Variants in CPVL observed in about 807,000 individuals in gnomAD.
The protein encoded by CPVL is probable serine carboxypeptidase CPVL.
Under a neutral mutation model 63.7 loss-of-function variants are expected in CPVL, and 51 were observed. The ratio of observed to expected loss-of-function variants is 0.80; its 90% CI spans 0.64 to 1.01. The LOEUF (loss-of-function observed/expected upper bound fraction) is 1.01, where lower values mean the gene tolerates loss of function less well. Among genes scored for constraint, CPVL ranks in the 50% least tolerant of loss-of-function variants. The pLI, the probability that CPVL is intolerant of heterozygous loss-of-function variation, is 0.00. For missense variants in CPVL, 530 were observed against 573.1 expected, an observed-to-expected ratio of 0.92 and a Z score of 0.77; for synonymous variants, 195 against 206.0, an observed-to-expected ratio of 0.95 and a Z score of 0.46.
chr7:29,047,701 T>C (rs1159423157), intron 11 of CPVL, among the ~76,000 whole-genome samples: 2 of 152,098 alleles, frequency 1.3e-5, no homozygotes, highest in African/African-American at 4.8e-5. Flanking sequence ...ACCTGGGAAA[T>C]TTATCACAAA....
intron 12 of CPVL, among the ~76,000 whole-genome samples, chr7:29,017,847 A>C (rs1322380651): frequency 2.0e-5 from 3 of 152,238 alleles, no homozygotes; most frequent in Non-Finnish European, 4.4e-5. Flanking sequence ...ATGCTTGTGA[A>C]GTAGAGAATC....
intron 1 of CPVL, among the ~76,000 whole-genome samples, chr7:29,123,597 GAAAAAAAAAAAAAAAA>G (rs778757980): frequency 0.021 from 861 of 41,100 alleles, 4 homozygotes; most frequent in Middle Eastern, 0.05. Flanking sequence ...AACTGGTTCA[GAAAAAAAAAAAAAAAA>G]AAAAAAAAAA....
chr7:29,067,844 A>T (rs925535664), intron 9 of CPVL, among the ~76,000 whole-genome samples: 1 of 152,100 alleles, frequency 6.6e-6, no homozygotes, highest in Non-Finnish European at 1.5e-5. Context: ...CACCTCACTA[A>T]TAATGTCAGA....
At chr7:29,124,804 T>A (rs370382899) in intron 1 of CPVL, among the ~76,000 whole-genome samples, 2 of 152,084 alleles carry the variant, frequency 1.3e-5, no homozygotes, top group Admixed American at 1.3e-4. Flanking sequence ...AATTTCTAAA[T>A]TTTCTACAAA....
upstream of CPVL, among the ~76,000 whole-genome samples, chr7:29,149,941 A>G (rs1793361297): frequency 6.6e-6 from 1 of 152,086 alleles, no homozygotes; most frequent in African/African-American, 2.4e-5. Flanking sequence ...TTCTATGAAG[A>G]CTCATTTTCA....
chr7:29,143,165 C>CA (rs762636392), intron 1 of CPVL, among the ~76,000 whole-genome samples: 1 of 152,310 alleles, frequency 6.6e-6, no homozygotes, highest in East Asian at 1.9e-4. Context: ...CTCCATGATA[C>CA]AACTTCAACA....
Position 29,069,206 on chromosome 7 carries a change from G to A in CPVL, c.864+2567C>T, listed in dbSNP as rs1022739713. On this transcript the variant is annotated intron_variant, in intron 9 of 12. Coordinates refer to ENST00000265394, the MANE Select transcript of CPVL (RefSeq NM_031311.5). ...TGTAATCCCAGCACTTTGGAAGGCC[G>A]AGGCGGGCGGATCACTTGAGGTCCG... Among the ~76,000 whole-genome samples the A allele has an allele frequency of 3.3e-5, 5 of 151,366 alleles. No individual in the cohort carries two copies. In the South Asian group the frequency reaches 6.3e-4, roughly 19 times the overall value.
intron 12 of CPVL, among the ~76,000 whole-genome samples, chr7:29,023,477 CAT>C (rs1316420609): frequency 5.3e-5 from 8 of 152,160 alleles, no homozygotes; most frequent in East Asian, 3.8e-4. Flanking sequence ...CCTTCCATGA[CAT>C]GTGGGGATTA....
At chr7:29,192,475 G>A (rs1783014753) in intron 1 of CPVL, 1 of 152,180 alleles carries the variant, frequency 6.6e-6, no homozygotes, top group South Asian at 2.1e-4. Flanking sequence ...TGCACAATTT[G>A]GGACAAGAAA....
chr7:29,050,267 C>T (rs1790013287), intron 11 of CPVL, among the ~76,000 whole-genome samples: 1 of 152,038 alleles, frequency 6.6e-6, no homozygotes, highest in African/African-American at 2.4e-5. Context: ...AAGACCCCTC[C>T]AGAAAGCTCC....
chr7:29,109,830 C>G (rs192954298), intron 3 of CPVL, among the ~76,000 whole-genome samples: 7 of 152,148 alleles, frequency 4.6e-5, no homozygotes, highest in Non-Finnish European at 8.8e-5. Flanking sequence ...AGGGGATGCA[C>G]AGCTAGGTTT....
At chr7:29,192,174 TTTGTTGGCC>T (rs1782969204) in intron 1 of CPVL, 1 of 152,342 alleles carries the variant, frequency 6.6e-6, no homozygotes, top group African/African-American at 2.4e-5. Flanking sequence ...AGCAAGCGTG[TTTGTTGGCC>T]TTGTATTCCT....
At chr7:29,099,756 T>C (rs981355891) in intron 3 of CPVL, among the ~76,000 whole-genome samples, 4 of 152,140 alleles carry the variant, frequency 2.6e-5, no homozygotes, top group Admixed American at 6.5e-5. Flanking sequence ...TGAAAATCAA[T>C]GACAGCCTTT....
intron 5 of CPVL, 129 bp from the exon 6 acceptor site, chr7:29,092,831 G>GC (rs1785960393): frequency 8.8e-6 from 6 of 682,714 alleles, no homozygotes; most frequent in Admixed American, 4.6e-5. Flanking sequence ...TTTTGCCGTT[G>GC]CCCCCCTATG....
chr7:29,087,285 A>G (rs886977520), intron 6 of CPVL, among the ~76,000 whole-genome samples: 3 of 152,016 alleles, frequency 2.0e-5, no homozygotes, highest in Admixed American at 2.0e-4. Context: ...TTAGCCAGGC[A>G]TGGTGGTGCG....
At chr7:29,140,687 T>C (rs1244502664) in intron 1 of CPVL, among the ~76,000 whole-genome samples, 1 of 152,114 alleles carries the variant, frequency 6.6e-6, no homozygotes, top group Non-Finnish European at 1.5e-5. Flanking sequence ...AGGGCTTCCA[T>C]AGTCAACTGG....
intron 5 of CPVL, among the ~76,000 whole-genome samples, chr7:29,178,375 T>C (rs545516215): frequency 6.6e-6 from 1 of 152,186 alleles, no homozygotes; most frequent in Non-Finnish European, 1.5e-5. Flanking sequence ...TCTGACCTGG[T>C]CTTCCTCTGC....
chr7:29,098,230 A>T (rs1449173857), intron 3 of CPVL, among the ~76,000 whole-genome samples: 1 of 152,240 alleles, frequency 6.6e-6, no homozygotes, highest in Non-Finnish European at 1.5e-5. Flanking sequence ...ACTCAAGAGA[A>T]GGTGACTGGG....
At chr7:29,080,924 C>A (rs1302889491) in intron 7 of CPVL, among the ~76,000 whole-genome samples, 1 of 152,208 alleles carries the variant, frequency 6.6e-6, no homozygotes, top group African/African-American at 2.4e-5. Context: ...AGAGTCTGCC[C>A]GTTTTTGCTG....
Sources: gnomAD v4.1 joint callset for allele counts (sites outside exome capture counted in the v4.1 genomes callset) on GRCh38, gnomAD v4.1.1 for gene constraint, MANE v1.5 for transcripts, NCBI Gene and HGNC (gene_info 2026-07-23, HGNC 2026-07-21) for gene names.